Variants in STAU2 observed in about 807,000 individuals in gnomAD.
STAU2 encodes staufen double-stranded RNA binding protein 2.
A neutral mutation model predicts 65.9 loss-of-function variants in STAU2; 20 were observed. The ratio of observed to expected loss-of-function variants is 0.30; its 90% CI spans 0.21 to 0.44. The LOEUF is 0.44. Ranked by LOEUF, STAU2 falls within the 20% of genes least tolerant of loss-of-function variation. The probability of loss-of-function intolerance (pLI) is 1.00; values close to 1 mark genes in which losing one functional copy is unlikely to be tolerated. For synonymous variants in STAU2, 232 were observed against 233.9 expected (o/e 0.99, Z 0.07); for missense variants, 558 against 683.9 (o/e 0.82, Z 2.05).
rs367863305 is a variant in STAU2 at position 73,545,927 on chromosome 8, A to G, written c.1530+6085T>C. On this transcript the variant is annotated intron_variant, in intron 13 of 14. Transcript: ENST00000524300. ...CTCCCAAAGTGCAGGGATTACAGGC[A>G]TGAGCCACCACACCTGGCCCTATTG... Among the ~76,000 whole-genome samples, 25 of 151,970 alleles carry G rather than the reference A, an allele frequency of 1.6e-4. No homozygotes were observed. In the East Asian group the frequency reaches 4.5e-3, roughly 27 times the overall value.
At chr8:73,455,754 T>C (rs752369428) in intron 13 of STAU2, among the ~76,000 whole-genome samples, 2 of 152,238 alleles carry the variant, frequency 1.3e-5, no homozygotes, top group Non-Finnish European at 2.9e-5. Flanking sequence ...ATATCTGTTA[T>C]AGTTTTTTTT....
chr8:73,739,729 A>G, intron 2 of STAU2, 27 bp downstream of exon 2: 1 of 1,476,700 alleles, frequency 6.8e-7, no homozygotes, highest in Non-Finnish European at 8.9e-7. Context: ...GGTGAATTTG[A>G]GTTTTAGTCA....
intron 6 of STAU2, among the ~76,000 whole-genome samples, chr8:73,638,288 G>A (rs539393392): frequency 3.3e-5 from 5 of 151,770 alleles, no homozygotes; most frequent in South Asian, 4.2e-4. Context: ...ATAAGAAAAC[G>A]TTTAAATTTT....
intron 13 of STAU2, among the ~76,000 whole-genome samples, chr8:73,446,624 T>G (rs1475120349): frequency 1.3e-5 from 2 of 152,216 alleles, no homozygotes; most frequent in East Asian, 3.8e-4. Context: ...AACAGTATTT[T>G]ACATTTTTAA....
intron 6 of STAU2, among the ~76,000 whole-genome samples, chr8:73,655,922 A>G (rs1816336489): frequency 6.6e-6 from 1 of 151,834 alleles, no homozygotes; most frequent in Non-Finnish European, 1.5e-5. Context: ...TGCTGGGATT[A>G]CAGGCATGAG....
chr8:73,735,516 A>G (rs1259926055), intron 3 of STAU2, among the ~76,000 whole-genome samples: 1 of 152,226 alleles, frequency 6.6e-6, no homozygotes, highest in African/African-American at 2.4e-5. Flanking sequence ...TTGTACCAAC[A>G]TAATGCTCAA....
At chr8:73,512,541 G>GT (rs1005222895) in intron 13 of STAU2, among the ~76,000 whole-genome samples, 24 of 150,658 alleles carry the variant, frequency 1.6e-4, no homozygotes, top group South Asian at 1.1e-3. Context: ...TTCATTTTTG[G>GT]TTTTTTTTTA....
chr8:73,480,754 C>T (rs542468701), intron 13 of STAU2, among the ~76,000 whole-genome samples: 1 of 152,158 alleles, frequency 6.6e-6, no homozygotes, highest in Admixed American at 6.5e-5. Context: ...TATGTAGGAA[C>T]CAAACTGGAA....
chr8:73,551,149 A>G (rs1807308380), intron 13 of STAU2: 1 of 987,568 alleles, frequency 1.0e-6, no homozygotes, highest in African/African-American at 1.7e-5. Context: ...CAAGGCAACT[A>G]AGAAATCAAG....
At chr8:73,433,505 T>C (rs1817463590) in intron 13 of STAU2, among the ~76,000 whole-genome samples, 1 of 59,114 alleles carries the variant, frequency 1.7e-5, no homozygotes, top group African/African-American at 5.9e-5. Flanking sequence ...CGCCCCGCCT[T>C]TTTTTTTTTT....
At chr8:73,597,668 T>TC (rs1464729108) in intron 10 of STAU2, among the ~76,000 whole-genome samples, 1 of 24,312 alleles carries the variant, frequency 4.1e-5, no homozygotes, top group Non-Finnish European at 7.3e-5. Context: ...AGTCTCTGTC[T>TC]CAAAAAAAAA....
At chr8:73,716,362 T>C (rs1291268273) in intron 3 of STAU2, among the ~76,000 whole-genome samples, 3 of 152,198 alleles carry the variant, frequency 2.0e-5, no homozygotes. Flanking sequence ...AGTGCTGGGA[T>C]TACAGGCGTG....
At chr8:73,504,600 C>G (rs1821953215) in intron 13 of STAU2, among the ~76,000 whole-genome samples, 3 of 151,958 alleles carry the variant, frequency 2.0e-5, no homozygotes, top group Admixed American at 2.0e-4. Flanking sequence ...GCTGTTAGGT[C>G]TCTCTCTGGC....
At chr8:73,660,132 T>C (rs1192559650) in intron 6 of STAU2, among the ~76,000 whole-genome samples, 3 of 152,294 alleles carry the variant, frequency 2.0e-5, no homozygotes, top group African/African-American at 7.2e-5. Context: ...TGTTTTTGTC[T>C]AAAGGGGATA....
At chr8:73,549,593 A>G (rs1807174802) in intron 13 of STAU2, 1 of 924,612 alleles carries the variant, frequency 1.1e-6, no homozygotes, top group Non-Finnish European at 1.3e-6. Context: ...ATTAAAAGTT[A>G]AAACAACTTT....
intron 12 of STAU2, among the ~76,000 whole-genome samples, chr8:73,559,145 T>A (rs1364760692): frequency 1.3e-5 from 2 of 152,196 alleles, no homozygotes; most frequent in Non-Finnish European, 2.9e-5. Context: ...GTTTTGAAAA[T>A]GTACTATAGT....
chr8:73,734,488 A>G (rs1353276236), intron 3 of STAU2, among the ~76,000 whole-genome samples: 1 of 152,096 alleles, frequency 6.6e-6, no homozygotes, highest in Non-Finnish European at 1.5e-5. Context: ...ATATGGAAGA[A>G]TCTGTTATGA....
At chr8:73,446,528 A>G (rs1031926505) in intron 13 of STAU2, among the ~76,000 whole-genome samples, 3 of 152,242 alleles carry the variant, frequency 2.0e-5, no homozygotes, top group Admixed American at 2.0e-4. Flanking sequence ...ACCTCTCTGT[A>G]CTATTTCTAC....
At chr8:73,495,895 T>TC (rs1241473297) in intron 13 of STAU2, among the ~76,000 whole-genome samples, 3 of 151,398 alleles carry the variant, frequency 2.0e-5, no homozygotes, top group Non-Finnish European at 4.4e-5. Flanking sequence ...CTCTTTTGTC[T>TC]CCCCGCACAC....
Sources: gnomAD v4.1 joint callset for allele counts (sites outside exome capture counted in the v4.1 genomes callset) on GRCh38, gnomAD v4.1.1 for gene constraint, MANE v1.5 for transcripts, NCBI Gene and HGNC (gene_info 2026-07-23, HGNC 2026-07-21) for gene names.